The following CDH12 variants were observed in gnomAD, a reference collection of about 807,000 sequenced individuals.
CDH12 encodes the protein cadherin 12, also known as cadherin-12.
A neutral mutation model predicts 74.1 loss-of-function variants in CDH12; 41 were observed. The ratio of observed to expected loss-of-function variants is 0.55; its 90% CI spans 0.43 to 0.72. The LOEUF is 0.72. Ranked by LOEUF, CDH12 falls within the 30% of genes least tolerant of loss-of-function variation. The probability of loss-of-function intolerance (pLI) is 0.00; values close to 1 mark genes in which losing one functional copy is unlikely to be tolerated. For synonymous variants in CDH12, 399 were observed against 355.0 expected, an observed-to-expected ratio of 1.12 and a Z score of -1.39; for missense variants, 945 against 977.2, an observed-to-expected ratio of 0.97 and a Z score of 0.44.
In CDH12 at chr5:22,135,112, A is replaced by G. The variant is rs1746380906; in HGVS notation, c.-186-56250T>C. Reference sequence around the variant, plus strand: ...TGTCTTTAACTGAGCTTTTATTTTTACAAAGAATGTGAGAGCAACTTGGAG... The same window carrying G: ...TGTCTTTAACTGAGCTTTTATTTTTGCAAAGAATGTGAGAGCAACTTGGAG... On this transcript the variant is annotated intron_variant, in intron 4 of 14. Coordinates refer to ENST00000382254, the MANE Select transcript of CDH12 (RefSeq NM_004061.5). 3.3e-5 allele frequency among the ~76,000 whole-genome samples: 5 copies of G among 151,874 alleles called. No homozygotes were observed. The South Asian group carries it at 1.0e-3, about 31-fold the overall frequency.
chr5:22,709,144 A>G (rs1743169419), intron 1 of CDH12, among the ~76,000 whole-genome samples: 1 of 151,912 alleles, frequency 6.6e-6, no homozygotes, highest in African/African-American at 2.4e-5. Context: ...GGTGACGGGA[A>G]GAGAGAGAGT....
At chr5:22,694,561 G>A (rs1452853473) in intron 1 of CDH12, among the ~76,000 whole-genome samples, 1 of 151,620 alleles carries the variant, frequency 6.6e-6, no homozygotes, top group Non-Finnish European at 1.5e-5. Flanking sequence ...TCTAGAACTG[G>A]TTTCTTATAA....
intron 5 of CDH12, among the ~76,000 whole-genome samples, chr5:22,048,723 T>G (rs1436693261): frequency 6.6e-6 from 1 of 152,142 alleles, no homozygotes; most frequent in Non-Finnish European, 1.5e-5. Context: ...TATTATCATA[T>G]GCAAAGAACA....
At chr5:22,167,952 C>T (rs1402761689) in intron 4 of CDH12, among the ~76,000 whole-genome samples, 2 of 152,094 alleles carry the variant, frequency 1.3e-5, no homozygotes, top group East Asian at 3.9e-4. Flanking sequence ...TAGATGGACA[C>T]ATTTTCCATT....
chr5:22,295,202 G>A (rs1374069064), intron 3 of CDH12, among the ~76,000 whole-genome samples: 2 of 151,914 alleles, frequency 1.3e-5, no homozygotes, highest in Admixed American at 6.6e-5. Context: ...ACTTCATCTG[G>A]TGCAACTTTA....
At chr5:21,757,913 T>C (rs16888469) in intron 13 of CDH12, among the ~76,000 whole-genome samples, 5,296 of 152,254 alleles carry the variant, frequency 0.035, 112 homozygotes, top group Middle Eastern at 0.072. Context: ...TGTCTCCATC[T>C]TCACAGTCAG....
intron 3 of CDH12, among the ~76,000 whole-genome samples, chr5:22,299,552 A>T (rs1737777002): frequency 1.3e-5 from 2 of 152,118 alleles, no homozygotes; most frequent in Non-Finnish European, 2.9e-5. Flanking sequence ...AAAATGTGGA[A>T]TTTTTGCCAT....
At chr5:22,549,071 C>T (rs1448120613) in intron 1 of CDH12, among the ~76,000 whole-genome samples, 2 of 152,076 alleles carry the variant, frequency 1.3e-5, no homozygotes, top group African/African-American at 4.8e-5. Flanking sequence ...TCCCAAGTAG[C>T]TGGAACTTCA....
chr5:22,541,952 T>G (rs899692490), intron 1 of CDH12, among the ~76,000 whole-genome samples: 5 of 152,236 alleles, frequency 3.3e-5, no homozygotes, highest in African/African-American at 1.2e-4. Context: ...AATTGATTCA[T>G]GGACATGGCT....
At chr5:22,596,718 T>C (rs1165607849) in intron 1 of CDH12, among the ~76,000 whole-genome samples, 1 of 152,214 alleles carries the variant, frequency 6.6e-6, no homozygotes, top group Non-Finnish European at 1.5e-5. Flanking sequence ...TAACAGTGTG[T>C]GGAATTTACT....
At chr5:21,860,490 A>T (rs917163242) in intron 6 of CDH12, among the ~76,000 whole-genome samples, 1 of 151,958 alleles carries the variant, frequency 6.6e-6, no homozygotes, top group South Asian at 2.1e-4. Context: ...GAAGGATGCA[A>T]ATTATTTTTA....
At chr5:22,225,787 G>T (rs576292870) in intron 3 of CDH12, among the ~76,000 whole-genome samples, 2 of 152,184 alleles carry the variant, frequency 1.3e-5, no homozygotes, top group East Asian at 3.9e-4. Context: ...GGCAATCCCA[G>T]TTAAGGCACC....
intron 6 of CDH12, among the ~76,000 whole-genome samples, chr5:21,901,346 G>C (rs7447559): frequency 6.6e-5 from 10 of 152,120 alleles, no homozygotes; most frequent in African/African-American, 2.4e-4. Flanking sequence ...AATTATGGCT[G>C]ATTTCTAACT....
At chr5:22,645,514 A>G (rs1270365491) in intron 1 of CDH12, among the ~76,000 whole-genome samples, 1 of 152,068 alleles carries the variant, frequency 6.6e-6, no homozygotes, top group Non-Finnish European at 1.5e-5. Context: ...ACTTCTGGTA[A>G]AGATGCTATG....
At chr5:22,501,802 C>G (rs746536313) in intron 2 of CDH12, among the ~76,000 whole-genome samples, 11 of 150,438 alleles carry the variant, frequency 7.3e-5, no homozygotes, top group Non-Finnish European at 1.6e-4. Context: ...CTATTGTCAA[C>G]TCAGCAGGAC....
Position 22,265,043 on chromosome 5 carries a change from A to G in CDH12, c.-332-52400T>C, listed in dbSNP as rs577979060. ...TCTAAATAAGTTTTTGTTAGCATGA[A>G]GTTTCTTAGCTACTTGAGAAAACAG... is the stretch of plus-strand genomic sequence containing the variant. On this transcript the variant is annotated intron_variant, in intron 3 of 14. Transcript: ENST00000382254. 5.6e-4 allele frequency among the ~76,000 whole-genome samples: 85 copies of G among 152,292 alleles called. 2 individuals carry two copies. The highest frequency in any genetic ancestry group is 1.9e-3 in the African/African-American group (79 of 41,568).
At chr5:22,630,209 T>C (rs78109390) in intron 1 of CDH12, among the ~76,000 whole-genome samples, 9,977 of 152,162 alleles carry the variant, frequency 0.066, 433 homozygotes, top group East Asian at 0.24. Context: ...TTTGTTGATA[T>C]TCCTATGAAA....
intron 4 of CDH12, among the ~76,000 whole-genome samples, chr5:22,117,294 T>C (rs970973844): frequency 5.3e-5 from 8 of 149,994 alleles, no homozygotes; most frequent in Admixed American, 2.7e-4. Context: ...ACTCTAAATA[T>C]CTTATTTATT....
chr5:22,502,170 T>C (rs1736185449), intron 2 of CDH12, among the ~76,000 whole-genome samples: 1 of 152,110 alleles, frequency 6.6e-6, no homozygotes, highest in Admixed American at 6.6e-5. Flanking sequence ...AACTCCCACA[T>C]GTTGTAGGAG....
Sources: allele counts gnomAD v4.1 joint callset (sites outside exome capture counted in the v4.1 genomes callset), GRCh38; gene constraint gnomAD v4.1.1; transcripts MANE v1.5; gene names NCBI Gene and HGNC (gene_info 2026-07-23, HGNC 2026-07-21).